Variants in RALYL observed in about 807,000 individuals in gnomAD.
The protein encoded by RALYL is RALY RNA binding protein like.
RALYL carries 29 observed loss-of-function variants against 35.1 expected under a neutral mutation model. The observed-to-expected ratio is 0.83, with a 90% confidence interval of 0.61 to 1.13. The LOEUF (loss-of-function observed/expected upper bound fraction) is 1.13. Among genes scored for constraint, RALYL ranks in the 50% most tolerant of loss-of-function variants. The pLI is 0.00. For synonymous variants in RALYL, 120 were observed against 127.6 expected, an observed-to-expected ratio of 0.94 and a Z score of 0.40; for missense variants, 359 against 360.4, an observed-to-expected ratio of 1.00 and a Z score of 0.03.
chr8:84,561,853 C>T (rs1252219), intron 2 of RALYL, among the ~76,000 whole-genome samples: 45,405 of 151,738 alleles, frequency 0.3, 7,672 homozygotes, highest in African/African-American at 0.46. Flanking sequence ...TAAAAACTTA[C>T]GAATTATTTA....
At chr8:84,475,959 C>T (rs2053357404) in intron 1 of RALYL, among the ~76,000 whole-genome samples, 1 of 152,046 alleles carries the variant, frequency 6.6e-6, no homozygotes. Flanking sequence ...AATACAAATC[C>T]AGGTTAGGAG....
At chr8:84,615,785 T>C (rs1259494740) in intron 2 of RALYL, among the ~76,000 whole-genome samples, 7 of 119,310 alleles carry the variant, frequency 5.9e-5, no homozygotes, top group East Asian at 2.7e-4. Context: ...GTGATGTTCC[T>C]CTTCCTGTGT....
In RALYL at chr8:84,817,423, G is replaced by C. The variant is rs536228040; in HGVS notation, c.365+12621G>C. Among the ~76,000 whole-genome samples the C allele has an allele frequency of 3.9e-5, 6 of 151,910 alleles. No individual in the cohort carries two copies. In the South Asian group the frequency reaches 1.2e-3, roughly 32 times the overall value. On this transcript the variant is annotated intron_variant, in intron 4 of 8. Transcript: ENST00000521268. ...TTTAAGAGCCCAAGTTCTGTGATTT[G>C]ATTTCCTTCCTCTGAATCCTATTCT...
chr8:84,457,622 T>C (rs1449445915), intron 1 of RALYL, among the ~76,000 whole-genome samples: 3 of 151,952 alleles, frequency 2.0e-5, no homozygotes, highest in East Asian at 1.9e-4. Flanking sequence ...TATTTAAGTT[T>C]ATTTTAAGCA....
chr8:84,332,878 C>A (rs1847108102), intron 1 of RALYL, among the ~76,000 whole-genome samples: 1 of 151,976 alleles, frequency 6.6e-6, no homozygotes, highest in Non-Finnish European at 1.5e-5. Context: ...AGAAGTGAAC[C>A]CAGACAATTA....
chr8:84,295,435 G>A (rs960440795), intron 1 of RALYL, among the ~76,000 whole-genome samples: 29 of 152,140 alleles, frequency 1.9e-4, no homozygotes, highest in African/African-American at 7.0e-4. Flanking sequence ...TATAGAGACA[G>A]TGAGGAATGG....
Position 84,920,922 on chromosome 8 carries a change from C to G in RALYL, c.*11C>G. ...CTACAGATAAAGTGATCTGAAATAA[C>G]GCATGATGCCACAAAGCAGAAAAGA... On this transcript the variant is annotated 3_prime_UTR_variant, in exon 9 of 9. Coordinates refer to ENST00000521268, the MANE Select transcript of RALYL (RefSeq NM_173848.7). 1.4e-6 allele frequency: 2 copies of G among 1,436,282 alleles called. No individual in the cohort carries two copies. Among genetic ancestry groups the G allele is most frequent in the Non-Finnish European group, 1.9e-6 (2 of 1,076,134 alleles). 89.0% of individuals were successfully genotyped at this position (1,436,282 alleles called of 1,614,324 possible). A position where few individuals can be genotyped will look rare whatever the true frequency, so the allele number is the denominator to read the frequency against.
At position 84,469,845 on chromosome 8, in the gene RALYL, G is replaced by A. The variant is rs371090813; in HGVS notation, c.-23-59454G>A. 1.8e-4 allele frequency among the ~76,000 whole-genome samples: 28 copies of A among 152,256 alleles called. 2 individuals carry two copies. In the South Asian group the frequency reaches 4.1e-3, roughly 23 times the overall value. ...GGTGCGGGATATAATCTCGTGGTGC[G>A]CTGTTTTTTAAGCCCGTCGGAAAAG... On this transcript the variant is annotated intron_variant, in intron 1 of 8. Coordinates refer to ENST00000521268, the MANE Select transcript of RALYL (RefSeq NM_173848.7).
chr8:84,246,248 C>T (rs1563601870), intron 1 of RALYL, among the ~76,000 whole-genome samples: 1 of 152,076 alleles, frequency 6.6e-6, no homozygotes, highest in Non-Finnish European at 1.5e-5. Context: ...ACTTTTCCCC[C>T]ACTTTCACGA....
chr8:84,766,934 T>A (rs964300609), intron 2 of RALYL, among the ~76,000 whole-genome samples: 3 of 151,924 alleles, frequency 2.0e-5, no homozygotes, highest in African/African-American at 7.3e-5. Flanking sequence ...AGAAACTGAG[T>A]GAAATTATGA....
chr8:84,355,807 G>A (rs1409975431), intron 1 of RALYL, among the ~76,000 whole-genome samples: 2 of 150,178 alleles, frequency 1.3e-5, no homozygotes, highest in African/African-American at 2.5e-5. Flanking sequence ...AGGTGAAGAG[G>A]TAGTGATAAA....
chr8:84,707,425 ATTT>A (rs560139418), intron 2 of RALYL, among the ~76,000 whole-genome samples: 2 of 151,800 alleles, frequency 1.3e-5, no homozygotes, highest in African/African-American at 4.8e-5. Flanking sequence ...TATATCCCTC[ATTT>A]TTTTTCCTTG....
chr8:84,899,494 T>G (rs906168058), intron 8 of RALYL, among the ~76,000 whole-genome samples: 13 of 152,206 alleles, frequency 8.5e-5, no homozygotes, highest in African/African-American at 2.9e-4. Context: ...GCATTTTTAT[T>G]GTCTGTCATA....
At chr8:84,214,021 C>T (rs1223511048) in intron 1 of RALYL, among the ~76,000 whole-genome samples, 1 of 152,078 alleles carries the variant, frequency 6.6e-6, no homozygotes, top group Admixed American at 6.6e-5. Context: ...AGTATTAGCA[C>T]ATTATTTGGT....
chr8:84,355,871 T>C (rs1468631147), intron 1 of RALYL, among the ~76,000 whole-genome samples: 1 of 150,166 alleles, frequency 6.7e-6, no homozygotes, highest in Non-Finnish European at 1.5e-5. Context: ...GTATGAAATA[T>C]AGAATGATAT....
At chr8:84,654,826 A>G (rs1332154457) in intron 2 of RALYL, among the ~76,000 whole-genome samples, 1 of 152,058 alleles carries the variant, frequency 6.6e-6, no homozygotes, top group Non-Finnish European at 1.5e-5. Context: ...TTATTCATTC[A>G]TCTGTTTATG....
chr8:84,504,459 A>G (rs2056989677), intron 1 of RALYL, among the ~76,000 whole-genome samples: 1 of 152,148 alleles, frequency 6.6e-6, no homozygotes, highest in African/African-American at 2.4e-5. Context: ...ACTTTACCCT[A>G]TAATTACTTT....
chr8:84,886,578 C>A (rs911552208), intron 7 of RALYL, among the ~76,000 whole-genome samples: 2 of 152,100 alleles, frequency 1.3e-5, no homozygotes, highest in African/African-American at 4.8e-5. Context: ...TTTGAATAGT[C>A]ATGAACACAT....
At chr8:84,318,476 CACA>C (rs1844180923) in intron 1 of RALYL, among the ~76,000 whole-genome samples, 1 of 152,208 alleles carries the variant, frequency 6.6e-6, no homozygotes, top group Admixed American at 6.5e-5. Flanking sequence ...CTGTTTCTCT[CACA>C]ACATTCATTA....
Sources: gnomAD v4.1 joint callset for allele counts (sites outside exome capture counted in the v4.1 genomes callset) on GRCh38, gnomAD v4.1.1 for gene constraint, MANE v1.5 for transcripts, NCBI Gene and HGNC (gene_info 2026-07-23, HGNC 2026-07-21) for gene names.